The following RANBP2 variants were observed in gnomAD, a reference collection of about 807,000 sequenced individuals.
RANBP2 encodes E3 SUMO-protein ligase RanBP2.
RANBP2 carries 57 observed loss-of-function variants against 303.6 expected under a neutral mutation model. That is an observed-to-expected ratio of 0.19 (90% CI 0.15 to 0.23). RANBP2 has a LOEUF of 0.23. RANBP2 is among the 10% of genes least tolerant of loss of function. RANBP2 has a pLI of 1.00. For missense variants in RANBP2, 3,138 were observed against 3,780.8 expected (o/e 0.83, Z 4.46); for synonymous variants, 1,167 against 1,301.5 (o/e 0.90, Z 2.23).
chr2:109,263,565 G>C, the RANBP2 span, among the ~76,000 whole-genome samples: 2 of 152,210 alleles, frequency 1.3e-5, no homozygotes, highest in Non-Finnish European at 2.9e-5. Flanking sequence ...GCCAGGTAGA[G>C]AATTTGCTTT....
the RANBP2 span, among the ~76,000 whole-genome samples, chr2:109,709,362 T>TAAAATAAAATAAAATAATA: frequency 6.8e-6 from 1 of 147,494 alleles, no homozygotes; most frequent in East Asian, 1.9e-4. Flanking sequence ...TAAAATAAAA[T>TAAAATAAAATAAAATAATA]AAAATAATAA....
the RANBP2 span, among the ~76,000 whole-genome samples, chr2:108,938,943 C>T: frequency 2.6e-5 from 4 of 151,994 alleles, no homozygotes; most frequent in Non-Finnish European, 5.9e-5. Context: ...CCACATCCAA[C>T]TAATTTTTGT....
chr2:108,828,953 A>G, the RANBP2 span, among the ~76,000 whole-genome samples: 1 of 152,072 alleles, frequency 6.6e-6, no homozygotes, highest in Non-Finnish European at 1.5e-5. Flanking sequence ...ACTCCAGCCC[A>G]GGTGACAGTG....
chr2:108,787,052 G>A (rs971874918), downstream of RANBP2: 2 of 463,664 alleles, frequency 4.3e-6, no homozygotes, highest in Admixed American at 9.3e-5. Context: ...CTGCGGCTTG[G>A]GCCTCGTGGA....
the RANBP2 span, among the ~76,000 whole-genome samples, chr2:109,351,329 G>T: frequency 2.6e-5 from 4 of 152,296 alleles, no homozygotes; most frequent in African/African-American, 9.6e-5. Flanking sequence ...TCTGGGCCAG[G>T]AGCACCTCGC....
chr2:109,031,162 T>C, the RANBP2 span, among the ~76,000 whole-genome samples: 1 of 152,056 alleles, frequency 6.6e-6, no homozygotes, highest in Non-Finnish European at 1.5e-5. Context: ...ACAAAACACC[T>C]TAGAGAGTAA....
the RANBP2 span, among the ~76,000 whole-genome samples, chr2:108,812,056 A>G: frequency 6.6e-6 from 1 of 152,178 alleles, no homozygotes; most frequent in East Asian, 1.9e-4. Context: ...TTGGATACCC[A>G]GGAATAAATC....
At chr2:109,207,932 C>G in the RANBP2 span, among the ~76,000 whole-genome samples, 37 of 152,216 alleles carry the variant, frequency 2.4e-4, no homozygotes, top group Non-Finnish European at 4.4e-4. Flanking sequence ...TAGTTTTGCT[C>G]TAATCTGGAA....
the RANBP2 span, among the ~76,000 whole-genome samples, chr2:109,152,101 T>G: frequency 2.0e-5 from 3 of 152,260 alleles, no homozygotes; most frequent in Non-Finnish European, 4.4e-5. Flanking sequence ...GAGTCTAATT[T>G]TGTTTTTCTC....
At chr2:109,307,435 T>TA in the RANBP2 span, among the ~76,000 whole-genome samples, 220 of 150,428 alleles carry the variant, frequency 1.5e-3, no homozygotes, top group African/African-American at 3.8e-3. Context: ...TTTTTTTTAT[T>TA]ATTATACTTT....
At chr2:109,266,679 C>T in the RANBP2 span, among the ~76,000 whole-genome samples, 2 of 152,028 alleles carry the variant, frequency 1.3e-5, no homozygotes, top group Non-Finnish European at 2.9e-5. Context: ...AGCCAGTGCT[C>T]AGCCACAGAT....
At chr2:109,303,503 A>G in the RANBP2 span, among the ~76,000 whole-genome samples, 3 of 152,208 alleles carry the variant, frequency 2.0e-5, no homozygotes, top group African/African-American at 7.2e-5. Flanking sequence ...TTTCAGGCCT[A>G]GGTAGCCAGT....
chr2:109,719,409 CT>C, the RANBP2 span, among the ~76,000 whole-genome samples: 102,143 of 125,250 alleles, frequency 0.82, 42,191 homozygotes, highest in East Asian at 0.99. Context: ...TGTGATATAT[CT>C]TTTTTTTTTT....
At chr2:109,577,225 G>A in the RANBP2 span, among the ~76,000 whole-genome samples, 2 of 152,186 alleles carry the variant, frequency 1.3e-5, no homozygotes, top group Non-Finnish European at 2.9e-5. Context: ...TCAAGTATGT[G>A]AGCGACACAG....
chr2:109,133,969 T>G, the RANBP2 span, among the ~76,000 whole-genome samples: 1 of 152,170 alleles, frequency 6.6e-6, no homozygotes, highest in Non-Finnish European at 1.5e-5. Flanking sequence ...TTAGTCCAGC[T>G]GGTCAGCTAG....
chr2:109,637,740 T>G, the RANBP2 span, among the ~76,000 whole-genome samples: 2 of 152,198 alleles, frequency 1.3e-5, no homozygotes, highest in East Asian at 3.8e-4. Context: ...ATTAACAACA[T>G]CTCAGCAAAG....
the RANBP2 span, among the ~76,000 whole-genome samples, chr2:109,410,075 C>T: frequency 4.6e-5 from 7 of 152,338 alleles, no homozygotes; most frequent in South Asian, 6.2e-4. Flanking sequence ...GGAACTAATA[C>T]GGCCTGGTTC....
the RANBP2 span, among the ~76,000 whole-genome samples, chr2:109,366,790 C>T: frequency 6.6e-6 from 1 of 152,176 alleles, no homozygotes; most frequent in African/African-American, 2.4e-5. Context: ...AAAGTCAAAG[C>T]TGCAGTGAGC....
chr2:109,202,046 G>GT, the RANBP2 span, among the ~76,000 whole-genome samples: 1 of 152,138 alleles, frequency 6.6e-6, no homozygotes, highest in Non-Finnish European at 1.5e-5. Context: ...CTTGGAGCCT[G>GT]GCTGGGTCTC....
Sources: allele counts gnomAD v4.1 joint callset (sites outside exome capture counted in the v4.1 genomes callset), GRCh38; gene constraint gnomAD v4.1.1; transcripts MANE v1.5; gene names NCBI Gene and HGNC (gene_info 2026-07-23, HGNC 2026-07-21).